HPSE: variants seen among roughly 807,000 people sequenced by gnomAD.
The protein encoded by HPSE is endo-glucoronidase.
A neutral mutation model predicts 65.1 loss-of-function variants in HPSE; 48 were observed. That is an observed-to-expected ratio of 0.74 (90% CI 0.58 to 0.94). The LOEUF (loss-of-function observed/expected upper bound fraction) is 0.94. Among genes scored for constraint, HPSE ranks in the 40% least tolerant of loss-of-function variants. HPSE has a pLI of 0.00. For missense variants in HPSE, 644 were observed against 637.5 expected (o/e 1.01, Z -0.11); for synonymous variants, 243 against 260.0 (o/e 0.93, Z 0.63).
chr4:83,296,794 A>G (rs943541430), intron 11 of HPSE, among the ~76,000 whole-genome samples: 7 of 152,192 alleles, frequency 4.6e-5, no homozygotes, highest in African/African-American at 1.7e-4. Flanking sequence ...TCTTTTATAT[A>G]GTAAACACTA....
At chr4:83,311,796 A>G (rs2126188582) in intron 4 of HPSE, among the ~76,000 whole-genome samples, 1 of 152,144 alleles carries the variant, frequency 6.6e-6, no homozygotes, top group African/African-American at 2.4e-5. Flanking sequence ...AAAAAAAAAA[A>G]AAAAAAAGTT....
At chr4:83,301,506 C>T (rs976327743) in intron 10 of HPSE, among the ~76,000 whole-genome samples, 1 of 152,072 alleles carries the variant, frequency 6.6e-6, no homozygotes, top group African/African-American at 2.4e-5. Context: ...CTTTTCCTAG[C>T]CTTATAAAAA....
chr4:83,314,569 C>A (rs1736554192), intron 3 of HPSE, among the ~76,000 whole-genome samples: 1 of 152,150 alleles, frequency 6.6e-6, no homozygotes, highest in African/African-American at 2.4e-5. Flanking sequence ...AACTTCTGTA[C>A]TCTGCTTTTT....
intron 6 of HPSE, 125 bp from the exon 7 acceptor site, chr4:83,309,620 T>A: frequency 1.5e-6 from 1 of 658,496 alleles, no homozygotes; most frequent in Non-Finnish European, 2.7e-6. Flanking sequence ...AAGGTAGAAG[T>A]TCTACTAGGG....
chr4:83,309,469 G>A lies in HPSE; in HGVS notation c.917C>T (p.Thr306Ile), dbSNP rs1227057746. The A allele has an allele frequency of 6.4e-7, 1 of 1,566,256 alleles. No homozygotes were observed. The highest frequency in any genetic ancestry group is 1.7e-5 in the Admixed American group (1 of 57,480). ...HHYYLNGRTA[T>I]KEDFLNPDVL... ...ATCAGGGTTTAGAAAATCTTCCTTG[G>A]TAGCAGTCCGTCCATTCAAATAGTA... Residue 306 changes from threonine (T) to isoleucine (I), a missense_variant, in exon 7 of 12, where the codon ACC (threonine) becomes ATC (isoleucine). By Grantham distance (89) the Thr-to-Ile change is moderately conservative (BLOSUM62 -1). Transcript: ENST00000311412.
At chr4:83,309,870 T>G (rs1319240367) in intron 6 of HPSE, among the ~76,000 whole-genome samples, 161 bp downstream of exon 6, 1 of 152,230 alleles carries the variant, frequency 6.6e-6, no homozygotes, top group Admixed American at 6.5e-5. Context: ...TAAATTTTTT[T>G]TATTAATATT....
chr4:83,334,840 T>TCTAGCACTTCCTCCCGCCGAGCCCC lies in HPSE; in HGVS notation c.-59_-58insGGGGCTCGGCGGGAGGAAGTGCTAG. On this transcript the variant is annotated 5_prime_UTR_variant, in exon 1 of 12. Coordinates refer to ENST00000311412, the MANE Select transcript of HPSE (RefSeq NM_001098540.3). ...TGCCGCGCAGCGGAGAGTCGAGAGCTCTAGCACTTCCTCCCGCCGAGCCCC... is the reference window on the plus strand; with the variant it reads ...TGCCGCGCAGCGGAGAGTCGAGAGCTCTAGCACTTCCTCCCGCCGAGCCCCCTAGCACTTCCTCCCGCCGAGCCCC... The TCTAGCACTTCCTCCCGCCGAGCCCC allele has an allele frequency of 6.9e-7, 1 of 1,446,970 alleles. No homozygotes were observed. Among genetic ancestry groups the TCTAGCACTTCCTCCCGCCGAGCCCC allele is most frequent in the Admixed American group, 2.8e-5 (1 of 36,176 alleles). 89.6% of individuals were successfully genotyped at this position (1,446,970 alleles called of 1,614,324 possible). A position where few individuals can be genotyped will look rare whatever the true frequency, so the allele number is the denominator to read the frequency against.
chr4:83,303,989 T>C (rs1460782983), intron 9 of HPSE, among the ~76,000 whole-genome samples: 1 of 144,534 alleles, frequency 6.9e-6, no homozygotes, highest in South Asian at 2.4e-4. Context: ...TTAGTTGGGA[T>C]GGACCTCTGT....
intron 5 of HPSE, among the ~76,000 whole-genome samples, chr4:83,310,324 CAT>C (rs1449441432): frequency 6.6e-6 from 1 of 151,704 alleles, no homozygotes; most frequent in Admixed American, 6.6e-5. Flanking sequence ...TGTTTAATAA[CAT>C]GTGGACTATT....
chr4:83,297,341 T>G (rs1449191191), intron 11 of HPSE, among the ~76,000 whole-genome samples: 2 of 145,074 alleles, frequency 1.4e-5, no homozygotes, highest in African/African-American at 5.0e-5. Flanking sequence ...GTACATACCT[T>G]TTTTTTTTTT....
At position 83,310,090 on chromosome 4, in the gene HPSE, A is replaced by T. The variant is rs750921068; in HGVS notation, c.843-12T>A. 9 of 1,595,456 alleles carry T rather than the reference A, an allele frequency of 5.6e-6. No individual in the cohort carries two copies. The highest frequency in any genetic ancestry group is 1.7e-5 in the Admixed American group (1 of 59,460). On this transcript the variant is annotated splice_polypyrimidine_tract_variant and intron_variant, in intron 5 of 11. Transcript: ENST00000311412. ...CAGCCTTCAGGAAGCTAGAAAAAAA[A>T]TTTTATTATCACTCAGTCATATAAT...
intron 1 of HPSE, among the ~76,000 whole-genome samples, chr4:83,328,604 T>C (rs1402707191): frequency 6.6e-6 from 1 of 152,188 alleles, no homozygotes; most frequent in Non-Finnish European, 1.5e-5. Flanking sequence ...AGGAAGGCCA[T>C]TGATGATGTC....
chr4:83,310,697 T>C, intron 5 of HPSE, 25 bp downstream of exon 5: 1 of 1,577,150 alleles, frequency 6.3e-7, no homozygotes, highest in Non-Finnish European at 8.6e-7. Context: ...AAAAGTAAAG[T>C]GATTCTGCAT....
upstream of HPSE, chr4:83,334,862 C>T: frequency 4.2e-6 from 6 of 1,436,576 alleles, no homozygotes; most frequent in South Asian, 8.9e-5. Flanking sequence ...TCCCGCCGAG[C>T]CCCAGCGCCC....
intron 9 of HPSE, among the ~76,000 whole-genome samples, chr4:83,304,351 GAGA>G (rs1350502167): frequency 6.6e-6 from 1 of 152,146 alleles, no homozygotes; most frequent in Non-Finnish European, 1.5e-5. Flanking sequence ...TAGGCAAATG[GAGA>G]AGGACAGAGA....
chr4:83,303,653 G>A (rs981932170), intron 9 of HPSE, among the ~76,000 whole-genome samples: 3 of 152,156 alleles, frequency 2.0e-5, no homozygotes, highest in Admixed American at 6.5e-5. Flanking sequence ...GGGCTAAAGC[G>A]ATCCTCCTGC....
chr4:83,330,720 T>C (rs935039656), intron 1 of HPSE, among the ~76,000 whole-genome samples: 1 of 152,244 alleles, frequency 6.6e-6, no homozygotes, highest in Admixed American at 6.5e-5. Flanking sequence ...ATGGTTGCAT[T>C]ATCACTGAGA....
chr4:83,304,230 C>A (rs1736070872), intron 9 of HPSE, among the ~76,000 whole-genome samples: 1 of 152,088 alleles, frequency 6.6e-6, no homozygotes, highest in South Asian at 2.1e-4. Flanking sequence ...ATAGATTCTT[C>A]TAGTGCCATC....
At chr4:83,311,144 TG>T (rs1453969473) in intron 4 of HPSE, among the ~76,000 whole-genome samples, 1 of 146,088 alleles carries the variant, frequency 6.8e-6, no homozygotes. Context: ...CCCTGTTCCA[TG>T]GGGAAAAAAA....
Sources: gnomAD v4.1 joint callset for allele counts (sites outside exome capture counted in the v4.1 genomes callset) on GRCh38, gnomAD v4.1.1 for gene constraint, MANE v1.5 for transcripts, NCBI Gene and HGNC (gene_info 2026-07-23, HGNC 2026-07-21) for gene names.